OR2A12: variants seen among roughly 807,000 people sequenced by gnomAD.
OR2A12 encodes olfactory receptor family 2 subfamily A member 12, also known as olfactory receptor 2A12.
For synonymous variants in OR2A12, 153 were observed against 149.3 expected (o/e 1.02, Z -0.18); for missense variants, 380 against 372.5 (o/e 1.02, Z -0.17).
In OR2A12 at chr7:144,096,917, T is replaced by C. The variant is rs2051268564; in HGVS notation, c.*877T>C. 6.6e-6 allele frequency: 1 copy of C among 152,126 alleles called. No homozygotes were observed. Among genetic ancestry groups the C allele is most frequent in the Admixed American group, 6.5e-5 (1 of 15,274 alleles). The allele number at this position is 152,126 out of a possible 1,614,324, so 9.4% of individuals were successfully genotyped here. On this transcript the variant is annotated 3_prime_UTR_variant, in exon 2 of 2. Transcript: ENST00000641592. ...GGTGAAATGTTAGCATCTGTCCTTTTCGGGTAAAGAATCAGACACAAAAAA... is the reference window on the plus strand; with the variant it reads ...GGTGAAATGTTAGCATCTGTCCTTTCCGGGTAAAGAATCAGACACAAAAAA...
chr7:144,087,979 T>A (rs1215113780), intron 1 of OR2A12, among the ~76,000 whole-genome samples: 1 of 152,218 alleles, frequency 6.6e-6, no homozygotes, highest in African/African-American at 2.4e-5. Context: ...GTGCCAACTT[T>A]GTCTTAGATC....
chr7:144,094,234 C>G (rs2051246168), intron 1 of OR2A12, among the ~76,000 whole-genome samples: 1 of 152,078 alleles, frequency 6.6e-6, no homozygotes, highest in Non-Finnish European at 1.5e-5. Context: ...CTTCACCTGA[C>G]TCCAAGGGCC....
At chr7:144,093,365 T>C (rs2051239432) in intron 1 of OR2A12, among the ~76,000 whole-genome samples, 1 of 152,172 alleles carries the variant, frequency 6.6e-6, no homozygotes, top group South Asian at 2.1e-4. Context: ...TTTGCCTATC[T>C]GTATTAAAAT....
chr7:144,095,641 T>C lies in OR2A12; in HGVS notation c.534T>C (p.Cys178=). The change falls in exon 2 of 2, where the codon TGT becomes TGC. Residue 178 remains cysteine (C), a synonymous_variant. Transcript: ENST00000641592. ...CGPQKINHFF[C]QIMSVFKLAC... The stretch of plus-strand genomic sequence containing the variant: ...CACAAAAGATCAACCACTTTTTCTG[T>C]CAAATCATGTCCGTATTCAAATTGG... The C allele has an allele frequency of 6.2e-7, 1 of 1,614,106 alleles. No individual in the cohort carries two copies. The highest frequency in any genetic ancestry group is 8.5e-7 in the Non-Finnish European group (1 of 1,180,020).
intron 1 of OR2A12, 88 bp from the exon 2 acceptor site, chr7:144,094,969 G>A: frequency 1.7e-6 from 1 of 604,652 alleles, no homozygotes; most frequent in South Asian, 2.3e-5. Flanking sequence ...AGGACTTTGG[G>A]CTGGATGTAC....
At chr7:144,089,833 A>G (rs1000303981) in intron 1 of OR2A12, among the ~76,000 whole-genome samples, 1 of 152,174 alleles carries the variant, frequency 6.6e-6, no homozygotes, top group African/African-American at 2.4e-5. Context: ...CTTTCAAAAC[A>G]CCAAAATAAT....
intron 1 of OR2A12, among the ~76,000 whole-genome samples, chr7:144,092,776 T>C (rs769565647): frequency 6.6e-6 from 1 of 152,140 alleles, no homozygotes; most frequent in Non-Finnish European, 1.5e-5. Context: ...AAATGAGTAA[T>C]GAAAAAAATG....
At chr7:144,089,931 T>G (rs1482932164) in intron 1 of OR2A12, among the ~76,000 whole-genome samples, 1 of 152,198 alleles carries the variant, frequency 6.6e-6, no homozygotes. Flanking sequence ...TCGATTCACC[T>G]CTGGGTTCAC....
Position 144,095,633 on chromosome 7 carries a change from T to C in OR2A12, c.526T>C (p.Phe176Leu), listed in dbSNP as rs770355204. The C allele has an allele frequency of 8.1e-6, 13 of 1,613,980 alleles. No homozygotes were observed. The highest frequency in any genetic ancestry group is 1.0e-5 in the Non-Finnish European group (12 of 1,180,024). The change falls in exon 2 of 2, where the codon TTT (phenylalanine) becomes CTT (leucine). Residue 176 changes from phenylalanine to leucine, a missense_variant. By Grantham distance (22) the Phe-to-Leu change is conservative. Transcript: ENST00000641592. ...TTGTGGCCCACAAAAGATCAACCAC[T>C]TTTTCTGTCAAATCATGTCCGTATT... Reference protein sequence around the residue: ...PFCGPQKINHFFCQIMSVFKL... With the variant: ...PFCGPQKINHLFCQIMSVFKL...
intron 1 of OR2A12, among the ~76,000 whole-genome samples, chr7:144,087,311 T>G (rs773624259): frequency 2.0e-5 from 3 of 152,162 alleles, no homozygotes; most frequent in Non-Finnish European, 4.4e-5. Flanking sequence ...GACAAGGATT[T>G]CTCTCCTATT....
intron 1 of OR2A12, among the ~76,000 whole-genome samples, chr7:144,091,389 T>A (rs534742273): frequency 6.6e-6 from 1 of 152,330 alleles, no homozygotes; most frequent in East Asian, 1.9e-4. Flanking sequence ...AGACTCCGTG[T>A]CTAAATAAAT....
In OR2A12 at chr7:144,095,221, G is replaced by T; in HGVS notation, c.114G>T (p.Leu38=). The part of the protein sequence containing the change: ...GFFLLFYSLT[L]MGNGIILGLI... The stretch of plus-strand genomic sequence containing the variant: ...TCTTGCTATTCTACAGCTTAACCCT[G>T]ATGGGAAATGGGATTATCCTGGGGC... The change falls in exon 2 of 2, where the codon CTG becomes CTT. Residue 38 remains leucine (L), a synonymous_variant. Transcript: ENST00000641592. 6.2e-7 allele frequency: 1 copy of T among 1,613,916 alleles called. No individual in the cohort carries two copies.
chr7:144,088,917 G>A (rs1052841361), intron 1 of OR2A12, among the ~76,000 whole-genome samples: 1 of 152,046 alleles, frequency 6.6e-6, no homozygotes, highest in Non-Finnish European at 1.5e-5. Context: ...ACCAAAACAT[G>A]GCCCCTACCA....
At chr7:144,091,467 A>G (rs1323210755) in intron 1 of OR2A12, among the ~76,000 whole-genome samples, 1 of 152,222 alleles carries the variant, frequency 6.6e-6, no homozygotes, top group Non-Finnish European at 1.5e-5. Flanking sequence ...ATTAGTTTAC[A>G]TTCTCACCAA....
In OR2A12 at chr7:144,095,724, T is replaced by G; in HGVS notation, c.617T>G (p.Leu206Ter). The G allele has an allele frequency of 6.2e-7, 1 of 1,614,064 alleles. No homozygotes were observed. The highest frequency in any genetic ancestry group is 8.5e-7 in the Non-Finnish European group (1 of 1,180,012). ...VVLFAGSAFI[L>*]VGPLCLVLVS... The stretch of plus-strand genomic sequence containing the variant: ...CTATTTGCGGGTTCTGCGTTCATCT[T>G]AGTGGGGCCGCTCTGCCTGGTGCTG... Residue 206 changes from leucine to a stop codon, truncating the protein, a stop_gained, in exon 2 of 2, where the codon TTA (leucine) becomes TGA (stop). Transcript: ENST00000641592. LOFTEE classifies it low-confidence loss of function (END_TRUNC).
In OR2A12 at chr7:144,098,588, T is replaced by G. The variant is rs1368150449; in HGVS notation, c.*2548T>G. 1 of 152,114 alleles carries G rather than the reference T, an allele frequency of 6.6e-6. No homozygotes were observed. Among genetic ancestry groups the G allele is most frequent in the Non-Finnish European group, 1.5e-5 (1 of 68,012 alleles). The allele number at this position is 152,114 out of a possible 1,614,324, so 9.4% of individuals were successfully genotyped here. On this transcript the variant is annotated 3_prime_UTR_variant, in exon 2 of 2. Transcript: ENST00000641592. ...ATGGAAAATATAGAGTTTAAAAAAA[T>G]AGGTTCTCTGGCTCCAGAGCTGGTA...
At chr7:144,087,811 C>A (rs980045448) in intron 1 of OR2A12, among the ~76,000 whole-genome samples, 1 of 152,158 alleles carries the variant, frequency 6.6e-6, no homozygotes, top group African/African-American at 2.4e-5. Context: ...ATACCCCTAG[C>A]TTGTATTCTG....
At position 144,098,444 on chromosome 7, in the gene OR2A12, AG is replaced by A. The variant is rs370780991; in HGVS notation, c.*2409del. ...CCTGAAACCAAGAAGCAACCAAGTT[AG>A]GGGGAGAGAGATGCATTTTTATGTT... On this transcript the variant is annotated 3_prime_UTR_variant, in exon 2 of 2. Transcript: ENST00000641592. The A allele has an allele frequency of 6.6e-5, 10 of 152,248 alleles. No individual in the cohort carries two copies. The highest frequency in any genetic ancestry group is 2.2e-4 in the African/African-American group (9 of 41,540). The allele number at this position is 152,248 out of a possible 1,614,324, so 9.4% of individuals were successfully genotyped here.
intron 1 of OR2A12, among the ~76,000 whole-genome samples, chr7:144,091,634 T>G (rs1393671548): frequency 6.6e-6 from 1 of 152,216 alleles, no homozygotes; most frequent in Admixed American, 6.5e-5. Context: ...TTTTTTCATA[T>G]GTTTGTTCGC....
Sources: gnomAD v4.1 joint callset for allele counts (sites outside exome capture counted in the v4.1 genomes callset) on GRCh38, gnomAD v4.1.1 for gene constraint, MANE v1.5 for transcripts, NCBI Gene and HGNC (gene_info 2026-07-23, HGNC 2026-07-21) for gene names.